HLCS: variants seen among roughly 807,000 people sequenced by gnomAD.
The protein encoded by HLCS is holocarboxylase synthetase, also known as biotin--protein ligase.
HLCS carries 53 observed loss-of-function variants against 75.0 expected under a neutral mutation model. That is an observed-to-expected ratio of 0.71 (90% CI 0.57 to 0.89). The LOEUF is 0.89. HLCS is among the 40% of genes least tolerant of loss of function. The pLI is 0.00. For synonymous variants in HLCS, 431 were observed against 428.6 expected, an observed-to-expected ratio of 1.01 and a Z score of -0.07; for missense variants, 966 against 1,074.0, an observed-to-expected ratio of 0.90 and a Z score of 1.41.
At chr21:36,901,694 G>T (rs1333660702) in intron 5 of HLCS, among the ~76,000 whole-genome samples, 1 of 152,152 alleles carries the variant, frequency 6.6e-6, no homozygotes, top group East Asian at 1.9e-4. Flanking sequence ...CTCTTTAAGT[G>T]TCCCGATTCT....
intron 5 of HLCS, among the ~76,000 whole-genome samples, chr21:36,898,252 C>T (rs2065090540): frequency 6.6e-6 from 1 of 151,888 alleles, no homozygotes; most frequent in African/African-American, 2.4e-5. Flanking sequence ...TCAAGACCAG[C>T]CTGACCAACA....
chr21:36,906,049 CAA>C (rs71328521), intron 5 of HLCS, among the ~76,000 whole-genome samples: 2 of 92,836 alleles, frequency 2.2e-5, no homozygotes. Context: ...GACTCCATCT[CAA>C]AAAAAAAAAA....
intron 6 of HLCS, among the ~76,000 whole-genome samples, chr21:36,783,979 G>A (rs573250468): frequency 4.6e-5 from 7 of 152,200 alleles, no homozygotes; most frequent in East Asian, 3.9e-4. Context: ...ATGAATGAAC[G>A]GGCCATGGGG....
chr21:36,876,850 C>T (rs1393851085), intron 6 of HLCS, among the ~76,000 whole-genome samples: 2 of 152,192 alleles, frequency 1.3e-5, no homozygotes, highest in African/African-American at 4.8e-5. Context: ...GAGAGCATTG[C>T]TGAAATCTCC....
At chr21:36,756,986 A>G in intron 9 of HLCS, 2 of 981,402 alleles carry the variant, frequency 2.0e-6, no homozygotes, top group Non-Finnish European at 2.4e-6. Context: ...CCTTACTGCA[A>G]ATAAAAAGGT....
At chr21:36,857,778 G>GT (rs1159522101) in intron 6 of HLCS, among the ~76,000 whole-genome samples, 1 of 151,886 alleles carries the variant, frequency 6.6e-6, no homozygotes, top group Non-Finnish European at 1.5e-5. Flanking sequence ...TAGGATCTTG[G>GT]TTTTTTGTTT....
chr21:36,782,679 C>T (rs2060569486), intron 6 of HLCS, among the ~76,000 whole-genome samples: 1 of 152,094 alleles, frequency 6.6e-6, no homozygotes, highest in Non-Finnish European at 1.5e-5. Flanking sequence ...ATTAAAATTT[C>T]AGAAACAGGC....
At chr21:36,759,908 C>T in intron 8 of HLCS, 67 bp from the exon 9 acceptor site, 1 of 989,706 alleles carries the variant, frequency 1.0e-6, no homozygotes, top group Non-Finnish European at 1.6e-6. Context: ...AGTCACTGAG[C>T]TAAGGGAAGA....
chr21:36,806,215 G>C (rs377039860), intron 6 of HLCS: 1 of 152,456 alleles, frequency 6.6e-6, no homozygotes, highest in Admixed American at 6.5e-5. Flanking sequence ...GTCAGGACCA[G>C]AGCCTTTTCC....
chr21:36,819,927 A>G (rs2061775527), intron 6 of HLCS, among the ~76,000 whole-genome samples: 1 of 152,214 alleles, frequency 6.6e-6, no homozygotes, highest in Non-Finnish European at 1.5e-5. Context: ...TTGTTAAATG[A>G]TAGGGTCAAG....
intron 6 of HLCS, among the ~76,000 whole-genome samples, chr21:36,770,748 A>AT (rs1462097299): frequency 1.3e-5 from 2 of 151,888 alleles, no homozygotes; most frequent in Non-Finnish European, 2.9e-5. Context: ...TAATTTTTGT[A>AT]TTTTTTGGTA....
chr21:36,973,403 G>A (rs549184250), intron 1 of HLCS, among the ~76,000 whole-genome samples: 1 of 127,022 alleles, frequency 7.9e-6, no homozygotes, highest in South Asian at 2.9e-4. Flanking sequence ...TTCAAAAACA[G>A]ACTGTACCCA....
At position 36,756,652 on chromosome 21, in the gene HLCS, G is replaced by A. The variant is rs760265551; in HGVS notation, c.2340C>T (p.Ala780=). 3.1e-5 allele frequency: 50 copies of A among 1,613,826 alleles called. 1 individual carries two copies. The highest frequency in any genetic ancestry group is 3.3e-4 in the Middle Eastern group (2 of 6,084). The change falls in exon 10 of 11, where the codon GCC becomes GCT. Residue 780 remains alanine, a synonymous_variant. Transcript: ENST00000674895. ...QHKAELKPLR[A]DYLIARVVTV... ...TCACGACTCTGGCGATGAGATAATCGGCTCTTAAGGGCTTCAGTTCTGCCT... is the reference window on the plus strand; with the variant it reads ...TCACGACTCTGGCGATGAGATAATCAGCTCTTAAGGGCTTCAGTTCTGCCT...
intron 7 of HLCS, 79 bp from the exon 8 acceptor site, chr21:36,765,251 C>A (rs1601141925): frequency 4.6e-6 from 6 of 1,307,066 alleles, no homozygotes; most frequent in Middle Eastern, 3.9e-4. Context: ...CAGGGCCACA[C>A]ACTCAAATAA....
chr21:36,882,213 C>T (rs868709754), intron 6 of HLCS, among the ~76,000 whole-genome samples: 2 of 151,908 alleles, frequency 1.3e-5, no homozygotes, highest in African/African-American at 4.8e-5. Context: ...ACCCGGAAGG[C>T]GGAGCTTGCA....
chr21:36,925,868 G>A (rs1021574099), intron 5 of HLCS, among the ~76,000 whole-genome samples: 29 of 152,186 alleles, frequency 1.9e-4, no homozygotes, highest in Admixed American at 1.6e-3. Flanking sequence ...CATCAGATTC[G>A]ATAGAAAATA....
intron 6 of HLCS, among the ~76,000 whole-genome samples, chr21:36,802,383 A>G (rs1235984871): frequency 6.6e-6 from 1 of 152,250 alleles, no homozygotes; most frequent in East Asian, 1.9e-4. Context: ...GAAAAATGAA[A>G]TAGGGTTGGG....
chr21:36,820,346 C>T (rs887975761), intron 6 of HLCS, among the ~76,000 whole-genome samples: 3 of 152,218 alleles, frequency 2.0e-5, no homozygotes, highest in African/African-American at 2.4e-5. Context: ...CTCTCCCAGG[C>T]GCAGCTGCTG....
chr21:36,898,463 A>AAAT (rs1028031072), intron 5 of HLCS, among the ~76,000 whole-genome samples: 1 of 151,200 alleles, frequency 6.6e-6, no homozygotes, highest in African/African-American at 2.4e-5. Context: ...AAAAAAAAAA[A>AAAT]AAAGACAAGA....
Sources: gnomAD v4.1 joint callset for allele counts (sites outside exome capture counted in the v4.1 genomes callset) on GRCh38, gnomAD v4.1.1 for gene constraint, MANE v1.5 for transcripts, NCBI Gene and HGNC (gene_info 2026-07-23, HGNC 2026-07-21) for gene names.